Variants in KCNN1 observed in about 807,000 individuals in gnomAD.
The protein encoded by KCNN1 is potassium calcium-activated channel subfamily N member 1, also known as small conductance calcium-activated potassium channel protein 1.
KCNN1 carries 20 observed loss-of-function variants against 44.7 expected under a neutral mutation model. That is an observed-to-expected ratio of 0.45 (90% CI 0.32 to 0.65). The LOEUF is 0.65. KCNN1 is among the 30% of genes least tolerant of loss of function. The pLI is 0.05. For synonymous variants in KCNN1, 324 were observed against 341.7 expected, an observed-to-expected ratio of 0.95 and a Z score of 0.57; for missense variants, 632 against 785.3, an observed-to-expected ratio of 0.80 and a Z score of 2.33.
chr19:17,962,832 G>T (rs2031712641), upstream of KCNN1, among the ~76,000 whole-genome samples: 1 of 150,312 alleles, frequency 6.7e-6, no homozygotes, highest in Non-Finnish European at 1.5e-5. Context: ...TCAGCCTCCC[G>T]AGTAGGTGGG....
intron 5 of KCNN1, among the ~76,000 whole-genome samples, chr19:17,986,710 T>C (rs1316657057): frequency 1.3e-5 from 2 of 152,240 alleles, no homozygotes; most frequent in African/African-American, 4.8e-5. Flanking sequence ...TTGCCCAGGC[T>C]GGTCATGAAC....
In KCNN1 at chr19:17,971,748, G is replaced by GCCA. The variant is rs2032031089; in HGVS notation, c.-81-2057_-81-2055dup. ...CAAAGTGCTGGGATTCCAGGCGTGA[G>GCCA]CCACCGTGCCCGGCCCAGGCAGATT... is the stretch of plus-strand genomic sequence containing the variant. On this transcript the variant is annotated intron_variant, in intron 1 of 9. Transcript: ENST00000684775. Among the ~76,000 whole-genome samples, 3 of 152,146 alleles carry GCCA rather than the reference G, an allele frequency of 2.0e-5. No individual in the cohort carries two copies. In the South Asian group the frequency reaches 6.2e-4, roughly 32 times the overall value.
chr19:17,951,620 G>A (rs1599982528), intron 1 of KCNN1, among the ~76,000 whole-genome samples: 1 of 152,082 alleles, frequency 6.6e-6, no homozygotes, highest in South Asian at 2.1e-4. Flanking sequence ...GTTCCTAATC[G>A]CGCAGGTTGG....
chr19:17,989,226 G>A (rs2032705047), intron 6 of KCNN1, among the ~76,000 whole-genome samples: 1 of 152,156 alleles, frequency 6.6e-6, no homozygotes, highest in Admixed American at 6.6e-5. Context: ...AGGAGGCCGA[G>A]GCGGGCGGAT....
At chr19:17,959,798 AG>A in intron 2 of KCNN1, among the ~76,000 whole-genome samples, 1 of 152,258 alleles carries the variant, frequency 6.6e-6, no homozygotes, top group Middle Eastern at 3.4e-3. Flanking sequence ...GAAATAGTCC[AG>A]GTCAGCTGGA....
intron 1 of KCNN1, among the ~76,000 whole-genome samples, chr19:17,969,638 C>T (rs1165906034): frequency 1.3e-5 from 2 of 152,216 alleles, no homozygotes; most frequent in South Asian, 2.1e-4. Context: ...TTGGCCCATG[C>T]GTCGGGTGGC....
intron 1 of KCNN1, among the ~76,000 whole-genome samples, chr19:17,969,621 G>T (rs1310670545): frequency 2.0e-5 from 3 of 152,346 alleles, no homozygotes; most frequent in Non-Finnish European, 2.9e-5. Flanking sequence ...CAGACACACG[G>T]CTGAATTTGG....
intron 1 of KCNN1, among the ~76,000 whole-genome samples, chr19:17,970,802 G>A (rs150916177): frequency 5.3e-4 from 80 of 152,290 alleles, no homozygotes; most frequent in Non-Finnish European, 9.7e-4. Flanking sequence ...GACACAGTGT[G>A]GGGGGTGCCG....
rs144580715 is a variant in KCNN1, at chr19:17,954,017, A to G, written c.-202-544A>G. Among the ~76,000 whole-genome samples the G allele has an allele frequency of 5.9e-5, 9 of 152,284 alleles. No individual in the cohort carries two copies. In the East Asian group the frequency reaches 1.5e-3, roughly 26 times the overall value. On this transcript the variant is annotated intron_variant, in intron 1 of 10. Coordinates refer to the KCNN1 transcript ENST00000222249. ...GAACAGCATTGGGAAAGACAGATAA[A>G]GCATTCAGTGTCTAGCTTCTGGAGC...
chr19:17,980,881 G>A (rs4808730), intron 3 of KCNN1, among the ~76,000 whole-genome samples: 55,944 of 151,736 alleles, frequency 0.37, 10,513 homozygotes, highest in East Asian at 0.44. Context: ...ACTCCAGCCC[G>A]GGCACAGAGC....
chr19:17,980,228 ATTTTTTTTT>A lies in KCNN1; in HGVS notation c.499-1458_499-1450del, dbSNP rs34810089. ...AGGCACCCGCCACCACACCTAGCTA[ATTTTTTTTT>A]TTTTTTTTTTTTTTTTTTTTTTGTA... On this transcript the variant is annotated intron_variant, in intron 3 of 9. Coordinates refer to ENST00000684775, the MANE Select transcript of KCNN1 (RefSeq NM_001386974.1). Among the ~76,000 whole-genome samples, 139 of 44,530 alleles carry A rather than the reference ATTTTTTTTT, an allele frequency of 3.1e-3. 1 individual carries two copies. Among genetic ancestry groups the A allele is most frequent in the South Asian group, 4.9e-3 (4 of 816 alleles). The allele number at this position is 44,530 out of a possible 152,430, so 29.2% of individuals were successfully genotyped here.
intron 7 of KCNN1, among the ~76,000 whole-genome samples, chr19:17,990,739 G>A (rs1383017592): frequency 6.7e-6 from 1 of 148,614 alleles, no homozygotes; most frequent in Non-Finnish European, 1.5e-5. Context: ...GGCGGAGCTC[G>A]CAGTAAGCTG....
chr19:17,968,525 C>T (rs1375679742), intron 1 of KCNN1, among the ~76,000 whole-genome samples: 3 of 152,052 alleles, frequency 2.0e-5, no homozygotes, highest in Admixed American at 6.6e-5. Context: ...TTCTCAGTGG[C>T]TGCCTCAACC....
chr19:17,953,964 A>G (rs1330080674), intron 1 of KCNN1, among the ~76,000 whole-genome samples: 1 of 152,066 alleles, frequency 6.6e-6, no homozygotes, highest in Non-Finnish European at 1.5e-5. Context: ...TGGCGAAGGA[A>G]CTAGGGGCAA....
intron 5 of KCNN1, among the ~76,000 whole-genome samples, chr19:17,988,058 G>C (rs2032661909): frequency 1.3e-5 from 2 of 150,712 alleles, no homozygotes; most frequent in South Asian, 4.2e-4. Context: ...AGGAGGCTGA[G>C]GCAGGAGAAT....
chr19:17,951,932 G>A (rs1462325816), intron 1 of KCNN1, among the ~76,000 whole-genome samples: 1 of 152,224 alleles, frequency 6.6e-6, no homozygotes, highest in East Asian at 1.9e-4. Flanking sequence ...TCCGCTCTCC[G>A]GGCCTCAGTT....
chr19:17,962,769 G>A (rs1165337083), upstream of KCNN1, among the ~76,000 whole-genome samples: 1 of 151,526 alleles, frequency 6.6e-6, no homozygotes, highest in Non-Finnish European at 1.5e-5. Flanking sequence ...GTGCAGTGGC[G>A]TGACCTCGGC....
intron 5 of KCNN1, among the ~76,000 whole-genome samples, chr19:17,987,346 G>A (rs1197920224): frequency 6.6e-6 from 1 of 151,870 alleles, no homozygotes; most frequent in East Asian, 1.9e-4. Flanking sequence ...TTGACCTCAG[G>A]TGATCCACCC....
intron 5 of KCNN1, among the ~76,000 whole-genome samples, chr19:17,986,894 C>T (rs1421750364): frequency 3.3e-5 from 5 of 152,192 alleles, no homozygotes; most frequent in African/African-American, 7.2e-5. Flanking sequence ...GCAACCTCCG[C>T]CTCCCGGGTT....
Sources: gnomAD v4.1 joint callset for allele counts (sites outside exome capture counted in the v4.1 genomes callset) on GRCh38, gnomAD v4.1.1 for gene constraint, MANE v1.5 for transcripts, NCBI Gene and HGNC (gene_info 2026-07-23, HGNC 2026-07-21) for gene names.